LIMD1: variants seen among roughly 807,000 people sequenced by gnomAD.
LIMD1 encodes the protein LIM domain containing 1.
In LIMD1, 23 loss-of-function variants were observed where a neutral mutation model predicts 58.4. The observed-to-expected ratio is 0.39, with a 90% CI of 0.28 to 0.56. The LOEUF (loss-of-function observed/expected upper bound fraction) is 0.56, where lower values mean the gene tolerates loss of function less well. Among genes scored for constraint, LIMD1 ranks in the 20% least tolerant of loss-of-function variants. The pLI is 0.57. For synonymous variants in LIMD1, 334 were observed against 345.5 expected (o/e 0.97, Z 0.37); for missense variants, 838 against 855.5 (o/e 0.98, Z 0.25).
In LIMD1 at chr3:45,685,670, G is replaced by A. The variant is rs1478128989; in HGVS notation, c.*8611G>A. 1 of 152,196 alleles carries A rather than the reference G, an allele frequency of 6.6e-6. No individual in the cohort carries two copies. Among genetic ancestry groups the A allele is most frequent in the Non-Finnish European group, 1.5e-5 (1 of 68,038 alleles). The allele number at this position is 152,196 out of a possible 1,614,324, so 9.4% of individuals were successfully genotyped here. A position where few individuals can be genotyped will look rare whatever the true frequency, so the allele number is the denominator to read the frequency against. On this transcript the variant is annotated 3_prime_UTR_variant, in exon 8 of 8. Coordinates refer to ENST00000273317, the MANE Select transcript of LIMD1 (RefSeq NM_014240.3). ...CATGCGGTGTCTTCTGGGGTACAGTGAGTCCACAGGGCAGGACGGCCTTGG... is the reference window on the plus strand; with the variant it reads ...CATGCGGTGTCTTCTGGGGTACAGTAAGTCCACAGGGCAGGACGGCCTTGG...
intron 1 of LIMD1, among the ~76,000 whole-genome samples, chr3:45,612,216 C>T (rs1332765655): frequency 1.3e-5 from 2 of 152,122 alleles, no homozygotes; most frequent in Non-Finnish European, 2.9e-5. Context: ...CCCCGAATAA[C>T]TGGAAACACA....
intron 1 of LIMD1, among the ~76,000 whole-genome samples, chr3:45,620,182 G>GCAAA (rs1169546373): frequency 3.3e-5 from 5 of 152,138 alleles, no homozygotes; most frequent in Admixed American, 2.0e-4. Context: ...TTATGTTGAT[G>GCAAA]CAAAGATCCT....
At chr3:45,642,874 T>A (rs1701859373) in intron 2 of LIMD1, among the ~76,000 whole-genome samples, 1 of 152,224 alleles carries the variant, frequency 6.6e-6, no homozygotes, top group Non-Finnish European at 1.5e-5. Context: ...GCTGTGCTCC[T>A]TGGGCTGGGA....
chr3:45,625,930 C>G (rs1392535854), intron 1 of LIMD1, among the ~76,000 whole-genome samples: 1 of 152,150 alleles, frequency 6.6e-6, no homozygotes, highest in African/African-American at 2.4e-5. Flanking sequence ...AGAGCCCTGC[C>G]CTGGCTTATT....
intron 1 of LIMD1, among the ~76,000 whole-genome samples, chr3:45,603,658 G>A (rs1213618189): frequency 1.3e-5 from 2 of 152,110 alleles, no homozygotes; most frequent in Admixed American, 6.6e-5. Context: ...TAGACATCGG[G>A]CAGTCTCTGT....
intron 2 of LIMD1, among the ~76,000 whole-genome samples, chr3:45,641,595 T>C (rs1449350776): frequency 6.6e-6 from 1 of 151,946 alleles, no homozygotes; most frequent in East Asian, 1.9e-4. Flanking sequence ...CTGAGGTCCA[T>C]TGATACTGCA....
intron 1 of LIMD1, among the ~76,000 whole-genome samples, chr3:45,621,805 C>T (rs1701630355): frequency 6.6e-6 from 1 of 152,098 alleles, no homozygotes; most frequent in East Asian, 1.9e-4. Flanking sequence ...TGGCTCACAC[C>T]TGTCATCCCA....
chr3:45,659,607 A>G (rs1175804055), intron 2 of LIMD1, among the ~76,000 whole-genome samples: 1 of 139,932 alleles, frequency 7.1e-6, no homozygotes, highest in African/African-American at 2.8e-5. Context: ...TATATATGCT[A>G]TCCCCAAACA....
At chr3:45,658,632 C>T (rs538544987) in intron 2 of LIMD1, among the ~76,000 whole-genome samples, 182 of 143,420 alleles carry the variant, frequency 1.3e-3, no homozygotes, top group Non-Finnish European at 2.0e-3. Flanking sequence ...CTCAGCTCAC[C>T]ACAATCTCCA....
chr3:45,656,286 C>T (rs945536835), intron 2 of LIMD1, among the ~76,000 whole-genome samples: 9 of 152,106 alleles, frequency 5.9e-5, no homozygotes, highest in Non-Finnish European at 2.9e-5. Flanking sequence ...AGACATTCCC[C>T]TTAGTCTGAG....
At chr3:45,608,827 G>T (rs1701493302) in intron 1 of LIMD1, among the ~76,000 whole-genome samples, 1 of 113,264 alleles carries the variant, frequency 8.8e-6, no homozygotes, top group Non-Finnish European at 1.7e-5. Context: ...GCAACAGAGC[G>T]AGACTCGGTA....
chr3:45,677,105 T>TTGC lies in LIMD1; in HGVS notation c.*57_*59dup, dbSNP rs1198898053. 10 of 1,595,472 alleles carry TTGC rather than the reference T, an allele frequency of 6.3e-6. No homozygotes were observed. The highest frequency in any genetic ancestry group is 2.2e-5 in the East Asian group (1 of 44,546). ...CACGGCAGGGGATGAGGAGCCGGGG[T>TTGC]TGCTGCTGCTGCTTCCGGTGGCCCC... is the stretch of plus-strand genomic sequence containing the variant. On this transcript the variant is annotated 3_prime_UTR_variant, in exon 8 of 8. Coordinates refer to ENST00000273317, the MANE Select transcript of LIMD1 (RefSeq NM_014240.3).
chr3:45,632,954 G>C (rs1416573073), intron 1 of LIMD1, among the ~76,000 whole-genome samples: 1 of 152,208 alleles, frequency 6.6e-6, no homozygotes, highest in Non-Finnish European at 1.5e-5. Flanking sequence ...TTTATGCTTT[G>C]CTGCTAGGTG....
intron 1 of LIMD1, among the ~76,000 whole-genome samples, chr3:45,617,995 T>A (rs1348396041): frequency 3.3e-5 from 5 of 152,252 alleles, no homozygotes; most frequent in Non-Finnish European, 7.3e-5. Flanking sequence ...TTCGGGATTT[T>A]ATTTTTTCTG....
chr3:45,609,202 G>A (rs375499885), intron 1 of LIMD1, among the ~76,000 whole-genome samples: 1 of 152,324 alleles, frequency 6.6e-6, no homozygotes, highest in East Asian at 1.9e-4. Flanking sequence ...GACGTTGCTT[G>A]TGGGAGGAGG....
intron 1 of LIMD1, among the ~76,000 whole-genome samples, chr3:45,627,783 G>A (rs1317262648): frequency 6.6e-6 from 1 of 151,434 alleles, no homozygotes; most frequent in Admixed American, 6.6e-5. Flanking sequence ...CGAGGCGGGT[G>A]GATCACTTGA....
intron 1 of LIMD1, among the ~76,000 whole-genome samples, chr3:45,628,061 C>T (rs1238240422): frequency 6.6e-6 from 1 of 150,704 alleles, no homozygotes; most frequent in Non-Finnish European, 1.5e-5. Context: ...AGACACTGGA[C>T]ATCAAGAAGG....
At position 45,644,212 on chromosome 3, in the gene LIMD1, T is replaced by G. The variant is rs181763117; in HGVS notation, c.1510+7961T>G. On this transcript the variant is annotated intron_variant, in intron 2 of 7. Transcript: ENST00000273317. ...TCTTAGCGAATGAATAAGTCCTTGG[T>G]GATTGACTCACCAGTTAGTTCGCCT... 1.3e-4 allele frequency among the ~76,000 whole-genome samples: 20 copies of G among 152,334 alleles called. No homozygotes were observed. In the East Asian group the frequency reaches 3.5e-3, roughly 26 times the overall value.
At chr3:45,665,304 T>C (rs564117708) in intron 2 of LIMD1, among the ~76,000 whole-genome samples, 10 of 152,104 alleles carry the variant, frequency 6.6e-5, no homozygotes, top group African/African-American at 2.4e-4. Flanking sequence ...AGACTGTTGC[T>C]TGGATGCCCC....
Sources: allele counts gnomAD v4.1 joint callset (sites outside exome capture counted in the v4.1 genomes callset), GRCh38; gene constraint gnomAD v4.1.1; transcripts MANE v1.5; gene names NCBI Gene and HGNC (gene_info 2026-07-23, HGNC 2026-07-21).